The following THSD4 variants were observed in gnomAD, a reference collection of about 807,000 sequenced individuals.
The protein encoded by THSD4 is thrombospondin type 1 domain containing 4, also known as thrombospondin type-1 domain-containing protein 4.
In THSD4, 69 loss-of-function variants were observed where a neutral mutation model predicts 119.0. The observed-to-expected ratio is 0.58, with a 90% CI of 0.48 to 0.71. THSD4 has a LOEUF of 0.71. Ranked by LOEUF, THSD4 falls within the 30% of genes least tolerant of loss-of-function variation. The pLI is 0.00. For missense variants in THSD4, 1,393 were observed against 1,391.1 expected (o/e 1.00, Z -0.02); for synonymous variants, 524 against 540.4 (o/e 0.97, Z 0.42).
chr15:71,495,220 G>A (rs959813322), intron 7 of THSD4, among the ~76,000 whole-genome samples: 4 of 152,178 alleles, frequency 2.6e-5, no homozygotes, highest in Non-Finnish European at 5.9e-5. Context: ...GAATTGTTGG[G>A]TTACTTTTGA....
intron 8 of THSD4, among the ~76,000 whole-genome samples, chr15:71,720,028 T>TC (rs2141110244): frequency 2.0e-5 from 1 of 50,176 alleles, no homozygotes; most frequent in South Asian, 9.7e-4. Context: ...TGTGCTTTTT[T>TC]TTTTTTTCTT....
intron 7 of THSD4, among the ~76,000 whole-genome samples, chr15:71,625,001 TG>T (rs869050071): frequency 1.5e-5 from 1 of 67,112 alleles, no homozygotes; most frequent in Non-Finnish European, 3.6e-5. Flanking sequence ...GTTGTTGTTT[TG>T]TTTGTTTGTT....
intron 7 of THSD4, among the ~76,000 whole-genome samples, chr15:71,501,542 A>G (rs1293707682): frequency 6.6e-6 from 1 of 152,174 alleles, no homozygotes; most frequent in Admixed American, 6.5e-5. Context: ...CCTACATGCC[A>G]GGGCTAGGTA....
intron 7 of THSD4, among the ~76,000 whole-genome samples, chr15:71,554,003 A>T (rs72737255): frequency 1.3e-5 from 2 of 151,338 alleles, no homozygotes; most frequent in Admixed American, 6.6e-5. Flanking sequence ...GGGTTTTGAT[A>T]GTTTTGTAAA....
intron 3 of THSD4, among the ~76,000 whole-genome samples, chr15:71,199,749 G>GTGTGTGTGA (rs1369421603): frequency 2.8e-4 from 41 of 146,926 alleles, no homozygotes; most frequent in East Asian, 1.8e-3. Flanking sequence ...GTGTGTGTGG[G>GTGTGTGTGA]TGTGTGTGAT....
intron 8 of THSD4, among the ~76,000 whole-genome samples, chr15:71,721,529 G>A (rs1271268068): frequency 2.0e-5 from 3 of 146,962 alleles, no homozygotes; most frequent in Admixed American, 6.9e-5. Flanking sequence ...AATTAGCTGG[G>A]TATGGTGGCA....
chr15:71,480,781 C>T (rs1437834255), intron 7 of THSD4, among the ~76,000 whole-genome samples: 2 of 152,208 alleles, frequency 1.3e-5, no homozygotes, highest in African/African-American at 2.4e-5. Context: ...GTGGCCCAGC[C>T]TAAAGTCAGG....
At chr15:71,249,715 G>A (rs867765739) in intron 5 of THSD4, among the ~76,000 whole-genome samples, 3 of 152,182 alleles carry the variant, frequency 2.0e-5, no homozygotes, top group Non-Finnish European at 4.4e-5. Flanking sequence ...GCAAAGACAT[G>A]TATATCCTTG....
intron 7 of THSD4, among the ~76,000 whole-genome samples, chr15:71,608,249 T>C (rs62022831): frequency 0.19 from 20,038 of 105,732 alleles, 2,394 homozygotes; most frequent in African/African-American, 0.29. Flanking sequence ...TATATATATA[T>C]ACACACACAC....
At chr15:71,761,550 A>G (rs79958793) in intron 15 of THSD4, among the ~76,000 whole-genome samples, 3,884 of 152,294 alleles carry the variant, frequency 0.026, 147 homozygotes, top group African/African-American at 0.09. Flanking sequence ...AAAAATATAG[A>G]ATTCATTGGT....
chr15:71,655,100 G>C (rs372619994), intron 7 of THSD4, among the ~76,000 whole-genome samples: 1 of 152,146 alleles, frequency 6.6e-6, no homozygotes, highest in South Asian at 2.1e-4. Flanking sequence ...TTCCTACAAC[G>C]TGTTGCAGAA....
At chr15:71,628,399 T>C (rs1477753463) in intron 7 of THSD4, among the ~76,000 whole-genome samples, 3 of 152,200 alleles carry the variant, frequency 2.0e-5, no homozygotes, top group Non-Finnish European at 4.4e-5. Flanking sequence ...TCATATTAAA[T>C]ATGAAGACAC....
intron 3 of THSD4, among the ~76,000 whole-genome samples, chr15:71,210,567 A>C (rs2043880469): frequency 6.6e-6 from 1 of 152,202 alleles, no homozygotes; most frequent in African/African-American, 2.4e-5. Flanking sequence ...TTAGTTGCCA[A>C]GGTCAGAAAA....
At position 71,133,812 on chromosome 15, in the gene THSD4, G is replaced by A. The variant is rs755570532; in HGVS notation, c.-79-7637G>A. Among the ~76,000 whole-genome samples, 131 of 152,062 alleles carry A rather than the reference G, an allele frequency of 8.6e-4. 4 individuals carry two copies. Among genetic ancestry groups the A allele is most frequent in the Non-Finnish European group, 3.1e-4 (21 of 67,986 alleles). On this transcript the variant is annotated intron_variant, in intron 1 of 17. Transcript: ENST00000261862. ...TATTTTCTTTAGTTACCTGGGAAAC[G>A]TTTTTTTAGGACTGAAAACAGATAT...
At chr15:71,600,826 A>T (rs567253850) in intron 7 of THSD4, among the ~76,000 whole-genome samples, 4 of 151,722 alleles carry the variant, frequency 2.6e-5, no homozygotes, top group Admixed American at 1.3e-4. Context: ...AGCTCACTGA[A>T]ACCTCCACCT....
chr15:71,520,063 G>C (rs974978854), intron 7 of THSD4, among the ~76,000 whole-genome samples: 1 of 152,168 alleles, frequency 6.6e-6, no homozygotes, highest in East Asian at 1.9e-4. Flanking sequence ...AACTTGTTTA[G>C]TCCTCTTGGT....
chr15:71,579,372 G>T (rs189148815), intron 7 of THSD4, among the ~76,000 whole-genome samples: 2 of 152,184 alleles, frequency 1.3e-5, no homozygotes, highest in Admixed American at 1.3e-4. Context: ...CCTCACGCCT[G>T]TTCTCATGAT....
rs872475 is a variant in THSD4, at chr15:71,706,472, G to A, written c.1358-22077G>A. Reference sequence around the variant, plus strand: ...CCTGGTGCTGGAGTTCAGGACAAAAGATATAAATTGTGGATAGTTGGGATT... The same window carrying A: ...CCTGGTGCTGGAGTTCAGGACAAAAAATATAAATTGTGGATAGTTGGGATT... On this transcript the variant is annotated intron_variant, in intron 8 of 17. Transcript: ENST00000261862. 7.7e-3 allele frequency among the ~76,000 whole-genome samples: 1,167 copies of A among 152,314 alleles called. 24 individuals are homozygous for A. The highest frequency in any genetic ancestry group is 0.04 in the Admixed American group (610 of 15,302).
intron 6 of THSD4, among the ~76,000 whole-genome samples, chr15:71,284,060 C>T (rs1266416126): frequency 6.6e-6 from 1 of 152,180 alleles, no homozygotes; most frequent in African/African-American, 2.4e-5. Flanking sequence ...AATGCCTTTT[C>T]TCTTAAGTGT....
Sources: gnomAD v4.1 joint callset for allele counts (sites outside exome capture counted in the v4.1 genomes callset) on GRCh38, gnomAD v4.1.1 for gene constraint, MANE v1.5 for transcripts, NCBI Gene and HGNC (gene_info 2026-07-23, HGNC 2026-07-21) for gene names.